Variants in PCDH9 observed in about 807,000 individuals in gnomAD.
PCDH9 encodes protocadherin-9.
PCDH9 carries 24 observed loss-of-function variants against 70.6 expected under a neutral mutation model. That is an observed-to-expected ratio of 0.34 (90% CI 0.25 to 0.48). The LOEUF is 0.48. Among genes scored for constraint, PCDH9 ranks in the 20% least tolerant of loss-of-function variants. The probability of loss-of-function intolerance (pLI) is 0.99; values close to 1 mark genes in which losing one functional copy is unlikely to be tolerated. For missense variants in PCDH9, 1,281 were observed against 1,503.6 expected (o/e 0.85, Z 2.45); for synonymous variants, 562 against 558.5 (o/e 1.01, Z -0.09).
chr13:66,817,110 T>C (rs2080621697), intron 3 of PCDH9, among the ~76,000 whole-genome samples: 1 of 152,114 alleles, frequency 6.6e-6, no homozygotes, highest in South Asian at 2.1e-4. Flanking sequence ...ATAATTAATC[T>C]AGAGATGACA....
chr13:66,470,038 C>G (rs573203351), intron 4 of PCDH9, among the ~76,000 whole-genome samples: 3 of 152,298 alleles, frequency 2.0e-5, no homozygotes, highest in South Asian at 2.1e-4. Flanking sequence ...ACAGAGCCAG[C>G]TTCTACCTCT....
chr13:66,794,634 A>G (rs1026478530), intron 3 of PCDH9, among the ~76,000 whole-genome samples: 1 of 152,142 alleles, frequency 6.6e-6, no homozygotes, highest in African/African-American at 2.4e-5. Flanking sequence ...GTTCAGATCT[A>G]CAAGGAAGAA....
chr13:66,698,160 A>G (rs1288738178), intron 3 of PCDH9, among the ~76,000 whole-genome samples: 1 of 152,156 alleles, frequency 6.6e-6, no homozygotes, highest in Non-Finnish European at 1.5e-5. Context: ...ATGGGTAGAG[A>G]GTTCCAGTTT....
intron 2 of PCDH9, among the ~76,000 whole-genome samples, chr13:66,975,791 G>T (rs2083608303): frequency 6.6e-6 from 1 of 151,838 alleles, no homozygotes; most frequent in Admixed American, 6.6e-5. Flanking sequence ...TATAGTAGAG[G>T]AAATAGAAAT....
chr13:66,720,325 T>TG (rs1491422305), intron 3 of PCDH9, among the ~76,000 whole-genome samples: 1 of 33,688 alleles, frequency 3.0e-5, no homozygotes, highest in Non-Finnish European at 6.3e-5. Flanking sequence ...TTTGCTTTTT[T>TG]GTTTTTTTTT....
intron 3 of PCDH9, among the ~76,000 whole-genome samples, chr13:66,834,432 A>G (rs1351240612): frequency 6.6e-6 from 1 of 151,642 alleles, no homozygotes; most frequent in Non-Finnish European, 1.5e-5. Context: ...ATGAGCCACC[A>G]CTCCCAGCCC....
intron 4 of PCDH9, among the ~76,000 whole-genome samples, chr13:66,422,400 T>A (rs1344405916): frequency 6.6e-6 from 1 of 152,082 alleles, no homozygotes; most frequent in African/African-American, 2.4e-5. Context: ...ATCGACCACA[T>A]AATTGGAAGT....
intron 2 of PCDH9, among the ~76,000 whole-genome samples, chr13:67,008,671 A>G (rs2084397884): frequency 6.6e-6 from 1 of 152,144 alleles, no homozygotes; most frequent in Non-Finnish European, 1.5e-5. Flanking sequence ...AGAAGTCTGG[A>G]AGCCTAGACT....
chr13:66,719,789 C>T (rs370655344), intron 3 of PCDH9, among the ~76,000 whole-genome samples: 3 of 152,176 alleles, frequency 2.0e-5, no homozygotes, highest in East Asian at 3.9e-4. Context: ...AAGTTGCTCA[C>T]CATTAAAATG....
At chr13:66,902,971 AGTAAT>A (rs1190655537) in intron 3 of PCDH9, among the ~76,000 whole-genome samples, 1 of 151,832 alleles carries the variant, frequency 6.6e-6, no homozygotes, top group Non-Finnish European at 1.5e-5. Context: ...TAAAAAAGAA[AGTAAT>A]GTCTTTCAAG....
chr13:66,460,835 C>T (rs1015050835), intron 4 of PCDH9, among the ~76,000 whole-genome samples: 3 of 151,848 alleles, frequency 2.0e-5, no homozygotes, highest in Non-Finnish European at 4.4e-5. Flanking sequence ...GGTGACATCC[C>T]ACCCTAATCA....
At chr13:66,753,944 G>A (rs912049254) in intron 3 of PCDH9, among the ~76,000 whole-genome samples, 3 of 152,072 alleles carry the variant, frequency 2.0e-5, no homozygotes, top group African/African-American at 7.2e-5. Context: ...TCTTCTGTTA[G>A]TTAGAAATGC....
chr13:66,323,323 A>G (rs1955788150), intron 4 of PCDH9: 1 of 152,040 alleles, frequency 6.6e-6, no homozygotes, highest in South Asian at 2.1e-4. Flanking sequence ...TCACATTTTA[A>G]GAGGGGAATT....
chr13:66,656,960 G>C (rs1176628548), intron 3 of PCDH9, among the ~76,000 whole-genome samples: 2 of 152,154 alleles, frequency 1.3e-5, no homozygotes, highest in African/African-American at 2.4e-5. Flanking sequence ...AGCAGAAATA[G>C]CTCTTGCAGC....
chr13:67,195,752 T>C (rs908626068), intron 2 of PCDH9, among the ~76,000 whole-genome samples: 1 of 152,160 alleles, frequency 6.6e-6, no homozygotes, highest in Non-Finnish European at 1.5e-5. Context: ...TACAAGATAT[T>C]ACATACAGCA....
Position 67,081,951 on chromosome 13 carries a change from C to T in PCDH9, c.3036+143454G>A, listed in dbSNP as rs367821259. 2.2e-4 allele frequency among the ~76,000 whole-genome samples: 34 copies of T among 152,212 alleles called. No homozygotes were observed. The East Asian group carries it at 5.8e-3, about 26-fold the overall frequency. ...TTGGGGCCTGATTGGCATAAGAAAG[C>T]TGTATATTCAATGCATACAACTTAA... On this transcript the variant is annotated intron_variant, in intron 2 of 4. Transcript: ENST00000377865.
chr13:67,070,580 C>T (rs182037814), intron 2 of PCDH9, among the ~76,000 whole-genome samples: 35 of 152,234 alleles, frequency 2.3e-4, no homozygotes, highest in African/African-American at 8.4e-4. Context: ...AGCAAAACAA[C>T]TATTTTATGT....
chr13:66,390,630 G>A (rs868844240), intron 4 of PCDH9, among the ~76,000 whole-genome samples: 4 of 151,970 alleles, frequency 2.6e-5, no homozygotes, highest in Non-Finnish European at 5.9e-5. Flanking sequence ...CAGCTACTTG[G>A]GAGGCTGAGT....
At chr13:67,171,088 C>T (rs2088271984) in intron 2 of PCDH9, among the ~76,000 whole-genome samples, 1 of 152,268 alleles carries the variant, frequency 6.6e-6, no homozygotes, top group African/African-American at 2.4e-5. Flanking sequence ...CTAGATGAAA[C>T]ATAGCATACC....
Sources: gnomAD v4.1 joint callset for allele counts (sites outside exome capture counted in the v4.1 genomes callset) on GRCh38, gnomAD v4.1.1 for gene constraint, MANE v1.5 for transcripts, NCBI Gene and HGNC (gene_info 2026-07-23, HGNC 2026-07-21) for gene names.